Variants in CATSPERB observed in about 807,000 individuals in gnomAD.
The protein encoded by CATSPERB is cation channel sperm-associated auxiliary subunit beta.
In CATSPERB, 93 loss-of-function variants were observed where a neutral mutation model predicts 128.3. The ratio of observed to expected loss-of-function variants is 0.72; its 90% CI spans 0.61 to 0.86. The LOEUF is 0.86. Among genes scored for constraint, CATSPERB ranks in the 40% least tolerant of loss-of-function variants. The pLI, the probability that CATSPERB is intolerant of heterozygous loss-of-function variation, is 0.00. For synonymous variants in CATSPERB, 381 were observed against 448.8 expected, an observed-to-expected ratio of 0.85 and a Z score of 1.91; for missense variants, 1,153 against 1,329.5, an observed-to-expected ratio of 0.87 and a Z score of 2.06.
intron 6 of CATSPERB, among the ~76,000 whole-genome samples, chr14:91,705,250 C>T (rs1895715591): frequency 6.6e-6 from 1 of 151,818 alleles, no homozygotes; most frequent in South Asian, 2.1e-4. Flanking sequence ...ATTGCTGGAT[C>T]ACAGAATATA....
chr14:91,706,876 G>A (rs762841274), intron 6 of CATSPERB, among the ~76,000 whole-genome samples: 2 of 151,162 alleles, frequency 1.3e-5, no homozygotes, highest in African/African-American at 2.4e-5. Context: ...TATTCTGAAG[G>A]CTCTGCTCAC....
chr14:91,674,910 C>G (rs980109113), intron 11 of CATSPERB, among the ~76,000 whole-genome samples: 1 of 152,226 alleles, frequency 6.6e-6, no homozygotes, highest in African/African-American at 2.4e-5. Context: ...GCCTCCCACC[C>G]CAAGTTCCCC....
chr14:91,600,570 G>A (rs543038031), intron 22 of CATSPERB, among the ~76,000 whole-genome samples: 2 of 152,306 alleles, frequency 1.3e-5, no homozygotes, highest in African/African-American at 2.4e-5. Context: ...TTTTGCTCAC[G>A]ATAGCAATTT....
chr14:91,634,375 G>GT, intron 17 of CATSPERB, among the ~76,000 whole-genome samples: 1 of 152,148 alleles, frequency 6.6e-6, no homozygotes, highest in East Asian at 1.9e-4. Flanking sequence ...GACCTGCACA[G>GT]TTCAAACCCA....
intron 14 of CATSPERB, among the ~76,000 whole-genome samples, chr14:91,665,081 C>A (rs1257287154): frequency 1.3e-5 from 2 of 152,022 alleles, no homozygotes; most frequent in Admixed American, 1.3e-4. Flanking sequence ...TTGGTGGAGA[C>A]AGGGTTTTGG....
chr14:91,693,469 T>C lies in CATSPERB; in HGVS notation c.627A>G (p.Ile209Met), dbSNP rs755164808. The change falls in exon 8 of 27, where the codon ATA becomes ATG. Residue 209 changes from isoleucine to methionine, a missense_variant. Coordinates refer to ENST00000256343, the MANE Select transcript of CATSPERB (RefSeq NM_024764.4). ...GCCAGAATCCACCAAAGGTTATGCC[T>C]ATGTAAACACCTACCATGAAACAAA... ...IVDTIVDGVY[I>M]GITFGGFWHD... 2 of 1,613,096 alleles carry C rather than the reference T, an allele frequency of 1.2e-6. No individual in the cohort carries two copies. The highest frequency in any genetic ancestry group is 2.2e-5 in the South Asian group (2 of 90,932).
intron 18 of CATSPERB, among the ~76,000 whole-genome samples, chr14:91,623,445 C>T (rs1894093645): frequency 6.6e-6 from 1 of 152,196 alleles, no homozygotes. Context: ...TATAACACCA[C>T]TCATTTTCCA....
chr14:91,663,862 T>C (rs534243398), intron 14 of CATSPERB, among the ~76,000 whole-genome samples: 5 of 152,294 alleles, frequency 3.3e-5, no homozygotes, highest in South Asian at 4.1e-4. Flanking sequence ...TATATTTACA[T>C]TGTAGTGGAA....
In CATSPERB at chr14:91,621,627, C is replaced by A; in HGVS notation, c.2241G>T (p.Lys747Asn). 6.2e-7 allele frequency: 1 copy of A among 1,603,452 alleles called. No homozygotes were observed. Among genetic ancestry groups the A allele is most frequent in the Admixed American group, 1.7e-5 (1 of 58,784 alleles). Residue 747 changes from lysine to asparagine, a missense_variant, in exon 19 of 27, where the codon AAG becomes AAT. By Grantham distance (94) the Lys-to-Asn change is moderately conservative (BLOSUM62 0). Coordinates refer to ENST00000256343, the MANE Select transcript of CATSPERB (RefSeq NM_024764.4). Reference sequence around the variant, plus strand: ...ACTTACCTTTTGCATTCCGTATGACCTTAGCTTTTAAAACATAAGAGTTTC... The same window carrying A: ...ACTTACCTTTTGCATTCCGTATGACATTAGCTTTTAAAACATAAGAGTTTC... Reference protein sequence around the residue: ...DLGNSYVLKAKVIRNAKGFRM... With the variant: ...DLGNSYVLKANVIRNAKGFRM...
chr14:91,639,642 A>G (rs576666473), intron 15 of CATSPERB, among the ~76,000 whole-genome samples: 5 of 152,320 alleles, frequency 3.3e-5, no homozygotes, highest in Admixed American at 2.0e-4. Context: ...ATTGGTCATT[A>G]AATTATACTA....
intron 22 of CATSPERB, among the ~76,000 whole-genome samples, chr14:91,594,643 A>G (rs1422043050): frequency 1.3e-5 from 2 of 152,200 alleles, no homozygotes; most frequent in South Asian, 4.1e-4. Context: ...TCAGCAGTGT[A>G]AAAATGGACT....
intron 22 of CATSPERB, among the ~76,000 whole-genome samples, chr14:91,597,858 C>T (rs1893536006): frequency 6.6e-6 from 1 of 152,124 alleles, no homozygotes; most frequent in Non-Finnish European, 1.5e-5. Flanking sequence ...CTCAATGTTA[C>T]AAGCACTTTA....
intron 3 of CATSPERB, among the ~76,000 whole-genome samples, chr14:91,723,681 C>A (rs72703384): frequency 0.33 from 49,876 of 151,790 alleles, 8,462 homozygotes; most frequent in South Asian, 0.47. Context: ...TCGCTTTGGG[C>A]AAGTTCCCTA....
At chr14:91,714,555 CTTTTTTTTT>C (rs56965295) in intron 5 of CATSPERB, among the ~76,000 whole-genome samples, 1 of 88,022 alleles carries the variant, frequency 1.1e-5, no homozygotes, top group Non-Finnish European at 2.4e-5. Flanking sequence ...CCATAAACTA[CTTTTTTTTT>C]TTTTTTTTTT....
intron 22 of CATSPERB, among the ~76,000 whole-genome samples, chr14:91,607,088 G>A (rs1450570995): frequency 1.9e-5 from 2 of 103,476 alleles, no homozygotes; most frequent in African/African-American, 7.1e-5. Flanking sequence ...TGTGGGCGGG[G>A]GGGGGGGGGG....
chr14:91,641,160 T>C (rs368529899), intron 15 of CATSPERB, among the ~76,000 whole-genome samples: 23,543 of 140,726 alleles, frequency 0.17, 1,956 homozygotes, highest in South Asian at 0.2. Context: ...GAGTAGGTTG[T>C]GAAAATTTTC....
At chr14:91,621,089 A>G (rs1894033182) in intron 19 of CATSPERB, among the ~76,000 whole-genome samples, 1 of 152,256 alleles carries the variant, frequency 6.6e-6, no homozygotes, top group African/African-American at 2.4e-5. Flanking sequence ...GGGTTGTTAT[A>G]AACATTAAAT....
rs1297349986 is a variant in CATSPERB at position 91,715,965 on chromosome 14, AG to A, written c.370+3452del. Reference sequence around the variant, plus strand: ...CATAGACCTAAATACACAAGCTAGAAGTGTAAACTTCTAGAAGAAAATATAG... The same window carrying A: ...CATAGACCTAAATACACAAGCTAGAATGTAAACTTCTAGAAGAAAATATAG... On this transcript the variant is annotated intron_variant, in intron 5 of 26. Transcript: ENST00000256343. 5.9e-5 allele frequency among the ~76,000 whole-genome samples: 9 copies of A among 152,348 alleles called. No individual in the cohort carries two copies. In the East Asian group the frequency reaches 1.7e-3, roughly 29 times the overall value.
At chr14:91,691,595 C>T (rs747173143) in intron 9 of CATSPERB, 40 bp from the exon 10 acceptor site, 2 of 1,509,542 alleles carry the variant, frequency 1.3e-6, no homozygotes, top group Non-Finnish European at 9.1e-7. Flanking sequence ...GCTTGCATAT[C>T]AGAAGGCCTA....
Sources: gnomAD v4.1 joint callset for allele counts (sites outside exome capture counted in the v4.1 genomes callset) on GRCh38, gnomAD v4.1.1 for gene constraint, MANE v1.5 for transcripts, NCBI Gene and HGNC (gene_info 2026-07-23, HGNC 2026-07-21) for gene names.